Variants in ERP44 observed in about 807,000 individuals in gnomAD.
The protein encoded by ERP44 is endoplasmic reticulum resident protein 44.
ERP44 carries 25 observed loss-of-function variants against 53.4 expected under a neutral mutation model. The ratio of observed to expected loss-of-function variants is 0.47; its 90% CI spans 0.34 to 0.65. The LOEUF (loss-of-function observed/expected upper bound fraction) is 0.65. ERP44 is among the 30% of genes least tolerant of loss of function. ERP44 has a pLI of 0.01. For missense variants in ERP44, 338 were observed against 493.2 expected, an observed-to-expected ratio of 0.69 and a Z score of 2.98; for synonymous variants, 145 against 161.2, an observed-to-expected ratio of 0.90 and a Z score of 0.76.
chr9:100,004,083 G>T (rs1019354258), intron 10 of ERP44, among the ~76,000 whole-genome samples: 3 of 152,044 alleles, frequency 2.0e-5, no homozygotes, highest in Non-Finnish European at 1.5e-5. Context: ...CTGGCTGAAA[G>T]CCTAGAGCTT....
At chr9:100,065,011 A>C (rs1270650630) in intron 1 of ERP44, among the ~76,000 whole-genome samples, 3 of 152,170 alleles carry the variant, frequency 2.0e-5, no homozygotes, top group South Asian at 2.1e-4. Context: ...ATATTTTAAA[A>C]TACGTTTAGT....
chr9:100,034,701 T>C (rs558678267), intron 4 of ERP44, among the ~76,000 whole-genome samples: 1 of 152,174 alleles, frequency 6.6e-6, no homozygotes, highest in Non-Finnish European at 1.5e-5. Flanking sequence ...TATCAATTCA[T>C]TTCCACAGAA....
At chr9:100,043,016 T>C (rs886155330) in intron 4 of ERP44, among the ~76,000 whole-genome samples, 1 of 151,478 alleles carries the variant, frequency 6.6e-6, no homozygotes, top group Non-Finnish European at 1.5e-5. Context: ...TCCCAGCACT[T>C]TGGGAGGCCG....
chr9:100,094,784 A>AT (rs1826604121), intron 1 of ERP44, among the ~76,000 whole-genome samples: 1 of 149,596 alleles, frequency 6.7e-6, no homozygotes, highest in African/African-American at 2.4e-5. Context: ...TAATATAGTG[A>AT]GACCCTTGTC....
In ERP44 at chr9:100,033,041, T is replaced by C. The variant is rs544643269; in HGVS notation, c.287-10815A>G. ...TTGAGCTATTAACAGCTTTTAATAA[T>C]TAAGTAAAGTATACTCCTGTGAACA... On this transcript the variant is annotated intron_variant, in intron 4 of 11. Coordinates refer to ENST00000262455, the MANE Select transcript of ERP44 (RefSeq NM_015051.3). Among the ~76,000 whole-genome samples, 29 of 152,360 alleles carry C rather than the reference T, an allele frequency of 1.9e-4. No individual in the cohort carries two copies. The South Asian group carries it at 6.0e-3, about 32-fold the overall frequency.
At chr9:100,008,312 T>C (rs1265017795) in intron 8 of ERP44, among the ~76,000 whole-genome samples, 1 of 152,224 alleles carries the variant, frequency 6.6e-6, no homozygotes, top group Non-Finnish European at 1.5e-5. Flanking sequence ...TATATATTTT[T>C]ATATACCTCT....
intron 1 of ERP44, among the ~76,000 whole-genome samples, chr9:100,063,075 C>CAAAAAAAAGAAAAAA (rs1826170606): frequency 2.5e-5 from 1 of 40,084 alleles, no homozygotes; most frequent in African/African-American, 1.1e-4. Flanking sequence ...CCCTGTCTCA[C>CAAAAAAAAGAAAAAA]AAAAAAAAAA....
intron 8 of ERP44, among the ~76,000 whole-genome samples, chr9:100,013,840 T>TA (rs1328339167): frequency 6.6e-5 from 10 of 152,150 alleles, no homozygotes; most frequent in Non-Finnish European, 1.5e-4. Flanking sequence ...AAGACATAGA[T>TA]AAAGAATGTT....
intron 11 of ERP44, among the ~76,000 whole-genome samples, chr9:99,984,282 C>T (rs944244360): frequency 4.6e-5 from 7 of 151,752 alleles, no homozygotes; most frequent in African/African-American, 7.3e-5. Context: ...TCTTCCCTCT[C>T]GGTATCATGG....
intron 4 of ERP44, among the ~76,000 whole-genome samples, chr9:100,028,031 T>C (rs1265213490): frequency 6.6e-6 from 1 of 152,234 alleles, no homozygotes; most frequent in Non-Finnish European, 1.5e-5. Flanking sequence ...AATTCTGTTC[T>C]ATGCACATAA....
At chr9:100,060,614 T>C (rs912529193) in intron 1 of ERP44, among the ~76,000 whole-genome samples, 3 of 152,178 alleles carry the variant, frequency 2.0e-5, no homozygotes, top group East Asian at 1.9e-4. Context: ...AGAAAGACTT[T>C]TGCAAGTTGT....
intron 1 of ERP44, among the ~76,000 whole-genome samples, chr9:100,074,882 G>A (rs971419831): frequency 1.8e-4 from 27 of 152,092 alleles, no homozygotes; most frequent in African/African-American, 5.8e-4. Flanking sequence ...GTGGGTCCCC[G>A]GACTCATCCT....
rs899670538 is a variant in ERP44 at position 99,981,324 on chromosome 9, ATATT to A, written c.*1284_*1287del. The A allele has an allele frequency of 1.9e-4, 29 of 152,774 alleles. No homozygotes were observed. Among genetic ancestry groups the A allele is most frequent in the African/African-American group, 6.5e-4 (27 of 41,596 alleles). The allele number at this position is 152,774 out of a possible 1,614,324, so 9.5% of individuals were successfully genotyped here. A position where few individuals can be genotyped will look rare whatever the true frequency, so the allele number is the denominator to read the frequency against. ...AACAATCATTAAATATCCATTATAAATATTAATTTTATTTTAAAAGAATTGGAAG... is the reference window on the plus strand; with the variant it reads ...AACAATCATTAAATATCCATTATAAAAATTTTATTTTAAAAGAATTGGAAG... On this transcript the variant is annotated 3_prime_UTR_variant, in exon 12 of 12. Coordinates refer to ENST00000262455, the MANE Select transcript of ERP44 (RefSeq NM_015051.3).
chr9:100,051,230 C>A (rs1298336670), intron 4 of ERP44, among the ~76,000 whole-genome samples: 2 of 152,168 alleles, frequency 1.3e-5, no homozygotes, highest in South Asian at 2.1e-4. Flanking sequence ...ATACCAATAA[C>A]TCCCCAAAAT....
intron 10 of ERP44, among the ~76,000 whole-genome samples, chr9:100,000,175 A>T (rs1283827877): frequency 6.6e-6 from 1 of 152,068 alleles, no homozygotes; most frequent in Non-Finnish European, 1.5e-5. Flanking sequence ...TCATGTCTCT[A>T]ATCCCAGTGC....
chr9:99,983,257 G>A (rs938773013), intron 11 of ERP44, among the ~76,000 whole-genome samples: 2 of 152,106 alleles, frequency 1.3e-5, no homozygotes, highest in East Asian at 1.9e-4. Flanking sequence ...ACAGTGAAAC[G>A]AGCTATTTCC....
chr9:100,071,133 C>T (rs1273035824), intron 1 of ERP44, among the ~76,000 whole-genome samples: 1 of 108,528 alleles, frequency 9.2e-6, no homozygotes, highest in Non-Finnish European at 1.7e-5. Context: ...CTTGTTCTGT[C>T]ACCTAGGCTG....
chr9:100,024,274 G>A (rs1389628000), intron 4 of ERP44, among the ~76,000 whole-genome samples: 2 of 150,386 alleles, frequency 1.3e-5, no homozygotes, highest in Non-Finnish European at 2.9e-5. Flanking sequence ...GTACTAGGCT[G>A]TAATATAAAG....
intron 1 of ERP44, among the ~76,000 whole-genome samples, chr9:100,090,984 A>G (rs964780314): frequency 6.6e-6 from 1 of 152,200 alleles, no homozygotes; most frequent in South Asian, 2.1e-4. Context: ...CAAAGGTCCC[A>G]CTACTAGACT....
Sources: gnomAD v4.1 joint callset for allele counts (sites outside exome capture counted in the v4.1 genomes callset) on GRCh38, gnomAD v4.1.1 for gene constraint, MANE v1.5 for transcripts, NCBI Gene and HGNC (gene_info 2026-07-23, HGNC 2026-07-21) for gene names.